Variants in TUSC3 observed in about 807,000 individuals in gnomAD.
The protein encoded by TUSC3 is dolichyl-diphosphooligosaccharide--protein glycosyltransferase subunit TUSC3.
A neutral mutation model predicts 44.8 loss-of-function variants in TUSC3; 45 were observed. That is an observed-to-expected ratio of 1.00 (90% CI 0.79 to 1.29). The LOEUF is 1.29. TUSC3 is among the 50% of genes most tolerant of loss of function. TUSC3 has a pLI of 0.00. For synonymous variants in TUSC3, 212 were observed against 152.9 expected, an observed-to-expected ratio of 1.39 and a Z score of -2.85; for missense variants, 519 against 437.9, an observed-to-expected ratio of 1.19 and a Z score of -1.65.
upstream of TUSC3, among the ~76,000 whole-genome samples, chr8:15,539,223 T>A (rs1801587040): frequency 6.6e-6 from 1 of 152,044 alleles, no homozygotes; most frequent in East Asian, 1.9e-4. Context: ...TTTATCACAT[T>A]ACCAAAGGTG....
At chr8:15,534,360 C>T (rs551355796) in intron 2 of TUSC3, among the ~76,000 whole-genome samples, 36 of 152,074 alleles carry the variant, frequency 2.4e-4, no homozygotes, top group Middle Eastern at 3.4e-3. Context: ...AAACTTTAGC[C>T]GGGCTGGGCG....
chr8:15,567,876 C>A (rs185332178), intron 1 of TUSC3, among the ~76,000 whole-genome samples: 1 of 152,226 alleles, frequency 6.6e-6, no homozygotes. Flanking sequence ...AGATGAATGC[C>A]ATGTTTGCAT....
chr8:15,445,452 G>T lies in TUSC3; in HGVS notation n.91+28147G>T, dbSNP rs112126961. Among the ~76,000 whole-genome samples the T allele has an allele frequency of 9.1e-3, 1,380 of 152,264 alleles. 21 individuals are homozygous for T. The highest frequency in any genetic ancestry group is 0.032 in the African/African-American group (1,310 of 41,548). Reference sequence around the variant, plus strand: ...CAAGGATCTCTGGTTTTCCTAGGCAGAGGACCCTGCGGCCTTCCGCAGTGT... The same window carrying T: ...CAAGGATCTCTGGTTTTCCTAGGCATAGGACCCTGCGGCCTTCCGCAGTGT... On this transcript the variant is annotated intron_variant and non_coding_transcript_variant, in intron 1 of 5. Coordinates refer to the TUSC3 transcript ENST00000503191.
intron 3 of TUSC3, among the ~76,000 whole-genome samples, chr8:15,654,568 T>A (rs185252054): frequency 2.0e-5 from 3 of 152,250 alleles, no homozygotes; most frequent in Admixed American, 2.0e-4. Flanking sequence ...AATGAACTTA[T>A]TAAAAAAGGT....
intron 1 of TUSC3, among the ~76,000 whole-genome samples, chr8:15,441,714 A>G (rs1313989385): frequency 6.6e-6 from 1 of 152,200 alleles, no homozygotes; most frequent in Non-Finnish European, 1.5e-5. Context: ...AAAATACTTG[A>G]ATATTATTAC....
intron 3 of TUSC3, among the ~76,000 whole-genome samples, chr8:15,653,251 C>G (rs1806996774): frequency 6.6e-6 from 1 of 152,130 alleles, no homozygotes; most frequent in Non-Finnish European, 1.5e-5. Context: ...AGGCGCAGCT[C>G]AGCATCAGCT....
intron 1 of TUSC3, among the ~76,000 whole-genome samples, chr8:15,602,888 G>T (rs1481568588): frequency 6.6e-6 from 1 of 151,438 alleles, no homozygotes; most frequent in Admixed American, 6.6e-5. Flanking sequence ...TTATTACCTT[G>T]TAACATAAAT....
chr8:15,781,236 ATCAC>A, the TUSC3 span, among the ~76,000 whole-genome samples: 2 of 152,190 alleles, frequency 1.3e-5, no homozygotes, highest in East Asian at 1.9e-4. Flanking sequence ...ATGGAAATAA[ATCAC>A]TCACTCTCGG....
intron 1 of TUSC3, among the ~76,000 whole-genome samples, chr8:15,433,032 A>G (rs1799889846): frequency 6.6e-6 from 1 of 152,180 alleles, no homozygotes; most frequent in South Asian, 2.1e-4. Context: ...TTCCCTTAGA[A>G]ACTGAAGGGA....
intron 1 of TUSC3, among the ~76,000 whole-genome samples, chr8:15,425,919 G>C (rs542589698): frequency 4.5e-4 from 68 of 152,298 alleles, no homozygotes; most frequent in African/African-American, 1.5e-3. Flanking sequence ...GGGAGGCCAA[G>C]GTGAGAGGAT....
intron 1 of TUSC3, among the ~76,000 whole-genome samples, chr8:15,464,621 C>A (rs990109730): frequency 4.6e-5 from 7 of 152,074 alleles, no homozygotes; most frequent in East Asian, 1.9e-4. Flanking sequence ...CTTTAAGTTA[C>A]CTCAGTATAT....
chr8:15,457,534 C>G (rs80130950), intron 1 of TUSC3, among the ~76,000 whole-genome samples: 1,999 of 150,892 alleles, frequency 0.013, 40 homozygotes, highest in African/African-American at 0.046. Flanking sequence ...ACTGTATGAA[C>G]CAGTAATTAC....
chr8:15,635,514 G>A (rs1216055541), intron 2 of TUSC3, among the ~76,000 whole-genome samples: 2 of 152,072 alleles, frequency 1.3e-5, no homozygotes, highest in African/African-American at 2.4e-5. Flanking sequence ...AGTCCAGAGA[G>A]CCAGAAATAA....
At chr8:15,419,861 C>T (rs1285263599) in intron 1 of TUSC3, among the ~76,000 whole-genome samples, 2 of 152,088 alleles carry the variant, frequency 1.3e-5, no homozygotes, top group African/African-American at 4.8e-5. Context: ...GCATTATAAA[C>T]ATATTGAGAA....
chr8:15,457,058 A>G (rs540400546), intron 1 of TUSC3, among the ~76,000 whole-genome samples: 31 of 152,064 alleles, frequency 2.0e-4, no homozygotes, highest in African/African-American at 7.5e-4. Context: ...TCAGCAAACT[A>G]TCGCAAGGAT....
At chr8:15,815,154 T>C in the TUSC3 span, among the ~76,000 whole-genome samples, 5 of 152,168 alleles carry the variant, frequency 3.3e-5, no homozygotes, top group African/African-American at 1.2e-4. Flanking sequence ...TAGTAAATAC[T>C]TGTACATAAA....
intron 7 of TUSC3, among the ~76,000 whole-genome samples, chr8:15,731,022 C>G (rs1343106746): frequency 1.3e-5 from 2 of 151,834 alleles, no homozygotes; most frequent in Non-Finnish European, 2.9e-5. Context: ...GTGTATATGG[C>G]TTTTCCGTAT....
the TUSC3 span, among the ~76,000 whole-genome samples, chr8:15,828,565 A>G: frequency 2.8e-3 from 433 of 152,346 alleles, 1 homozygote; most frequent in African/African-American, 0.01. Context: ...GTTTGTTCAT[A>G]TCTTTACCAG....
chr8:15,815,334 G>C, the TUSC3 span, among the ~76,000 whole-genome samples: 2 of 152,092 alleles, frequency 1.3e-5, no homozygotes, highest in African/African-American at 4.8e-5. Context: ...GATAGGGAAA[G>C]ATAGTAGGAA....
Sources: gnomAD v4.1 joint callset for allele counts (sites outside exome capture counted in the v4.1 genomes callset) on GRCh38, gnomAD v4.1.1 for gene constraint, MANE v1.5 for transcripts, NCBI Gene and HGNC (gene_info 2026-07-23, HGNC 2026-07-21) for gene names.